GMDS: variants seen among roughly 807,000 people sequenced by gnomAD.
GMDS encodes GDP-mannose 4,6 dehydratase.
In GMDS, 20 loss-of-function variants were observed where a neutral mutation model predicts 49.9. That is an observed-to-expected ratio of 0.40 (90% confidence interval 0.28 to 0.58). The LOEUF (loss-of-function observed/expected upper bound fraction) is 0.58. Among genes scored for constraint, GMDS ranks in the 20% least tolerant of loss-of-function variants. The probability of loss-of-function intolerance (pLI) is 0.42; values close to 1 mark genes in which losing one functional copy is unlikely to be tolerated. For synonymous variants in GMDS, 177 were observed against 178.6 expected (o/e 0.99, Z 0.07); for missense variants, 362 against 481.4 (o/e 0.75, Z 2.32).
intron 7 of GMDS, among the ~76,000 whole-genome samples, chr6:1,847,878 G>A (rs1229014818): frequency 1.3e-5 from 2 of 152,118 alleles, no homozygotes; most frequent in Admixed American, 6.5e-5. Flanking sequence ...CTTGGTGAGG[G>A]TGTACTGTCT....
At chr6:1,657,061 CA>C (rs1003453042) in intron 9 of GMDS, among the ~76,000 whole-genome samples, 1 of 152,160 alleles carries the variant, frequency 6.6e-6, no homozygotes, top group African/African-American at 2.4e-5. Context: ...GTGGGGACAG[CA>C]AGAGGGTTTC....
At chr6:1,972,974 T>C (rs561098905) in intron 4 of GMDS, among the ~76,000 whole-genome samples, 1 of 152,354 alleles carries the variant, frequency 6.6e-6, no homozygotes, top group East Asian at 1.9e-4. Context: ...AAGGAGTCCA[T>C]GGCGTAAGAA....
chr6:2,085,175 T>C (rs1037712461), intron 4 of GMDS, among the ~76,000 whole-genome samples: 2 of 152,016 alleles, frequency 1.3e-5, no homozygotes, highest in South Asian at 4.1e-4. Context: ...AAAAAAAAAA[T>C]TATTTTTCTT....
chr6:2,043,872 AAAC>A (rs558975746), intron 4 of GMDS, among the ~76,000 whole-genome samples: 25 of 152,158 alleles, frequency 1.6e-4, no homozygotes, highest in South Asian at 1.0e-3. Flanking sequence ...GCAGAAAAAA[AAAC>A]AACAACAACC....
At chr6:1,941,944 C>T (rs368466669) in intron 6 of GMDS, among the ~76,000 whole-genome samples, 73 of 152,258 alleles carry the variant, frequency 4.8e-4, no homozygotes, top group Admixed American at 3.1e-3. Flanking sequence ...AACCCCGCCT[C>T]GCTCACCTCT....
chr6:1,737,945 T>TAC (rs774990730), intron 8 of GMDS, among the ~76,000 whole-genome samples: 6 of 109,310 alleles, frequency 5.5e-5, no homozygotes, highest in African/African-American at 2.2e-4. Flanking sequence ...CACACACACA[T>TAC]ACACAGATAC....
intron 1 of GMDS, among the ~76,000 whole-genome samples, chr6:2,179,102 G>A (rs1290499921): frequency 6.6e-6 from 1 of 152,188 alleles, no homozygotes; most frequent in Non-Finnish European, 1.5e-5. Flanking sequence ...AACCACCATA[G>A]TACATGCACA....
At chr6:2,071,682 T>C (rs1772009087) in intron 4 of GMDS, among the ~76,000 whole-genome samples, 1 of 142,782 alleles carries the variant, frequency 7.0e-6, no homozygotes, top group Non-Finnish European at 1.5e-5. Flanking sequence ...ATACTTCACA[T>C]TTAAAAAAAA....
At chr6:1,633,937 C>G (rs1361719972) in intron 9 of GMDS, among the ~76,000 whole-genome samples, 2 of 152,220 alleles carry the variant, frequency 1.3e-5, no homozygotes, top group Admixed American at 1.3e-4. Context: ...AGCTGGCTAC[C>G]TCAACCTGAT....
intron 7 of GMDS, among the ~76,000 whole-genome samples, chr6:1,822,800 C>G (rs990775306): frequency 6.6e-6 from 1 of 152,068 alleles, no homozygotes; most frequent in Admixed American, 6.5e-5. Context: ...AATGCCTCGC[C>G]TATATTTTAA....
intron 7 of GMDS, among the ~76,000 whole-genome samples, chr6:1,743,408 T>TG (rs1458172550): frequency 1.3e-5 from 2 of 150,176 alleles, no homozygotes; most frequent in African/African-American, 4.9e-5. Flanking sequence ...CCGGGCGTGG[T>TG]GGGGGGCGCC....
intron 9 of GMDS, among the ~76,000 whole-genome samples, chr6:1,726,161 A>T (rs887459664): frequency 1.3e-5 from 2 of 152,238 alleles, no homozygotes; most frequent in African/African-American, 4.8e-5. Flanking sequence ...GTGTGATGTG[A>T]GATTCCATTT....
rs143970412 is a variant in GMDS, at chr6:1,951,106, A to G, written c.643+8761T>C. Among the ~76,000 whole-genome samples the G allele has an allele frequency of 4.0e-3, 608 of 152,284 alleles. 3 individuals are homozygous for G. Among genetic ancestry groups the G allele is most frequent in the Middle Eastern group, 0.031 (9 of 294 alleles). The stretch of plus-strand genomic sequence containing the variant: ...TAGTTGAGAACCACTATTCTAGAGC[A>G]TTAATCTTATCTTTACAGCAACAAA... On this transcript the variant is annotated intron_variant, in intron 6 of 10. Coordinates refer to ENST00000380815, the MANE Select transcript of GMDS (RefSeq NM_001500.4).
At chr6:2,015,484 A>G (rs1767833531) in intron 4 of GMDS, among the ~76,000 whole-genome samples, 1 of 152,208 alleles carries the variant, frequency 6.6e-6, no homozygotes, top group East Asian at 1.9e-4. Context: ...CAATTTATCA[A>G]AATGTGTGGG....
At chr6:2,130,869 C>T (rs1424511473) in intron 1 of GMDS, among the ~76,000 whole-genome samples, 3 of 151,868 alleles carry the variant, frequency 2.0e-5, no homozygotes, top group African/African-American at 4.8e-5. Context: ...ATGGTACAGA[C>T]GTGTTTTTTC....
At chr6:2,028,991 C>A (rs1252265519) in intron 4 of GMDS, among the ~76,000 whole-genome samples, 3 of 145,770 alleles carry the variant, frequency 2.1e-5, no homozygotes, top group Non-Finnish European at 4.5e-5. Context: ...GATTTTTTTT[C>A]TTTCTTTCTT....
chr6:1,878,539 C>T (rs915809024), intron 7 of GMDS, among the ~76,000 whole-genome samples: 3 of 152,072 alleles, frequency 2.0e-5, no homozygotes, highest in African/African-American at 4.8e-5. Flanking sequence ...ACATTCATTC[C>T]GGTGGGGCAG....
chr6:2,068,821 C>T (rs1188421896), intron 4 of GMDS, among the ~76,000 whole-genome samples: 4 of 152,174 alleles, frequency 2.6e-5, no homozygotes, highest in African/African-American at 7.2e-5. Context: ...GAATCAATAT[C>T]GTGAAAATGG....
chr6:1,965,751 C>T (rs1394856849), intron 4 of GMDS, among the ~76,000 whole-genome samples: 1 of 152,084 alleles, frequency 6.6e-6, no homozygotes, highest in Non-Finnish European at 1.5e-5. Context: ...AAGGATTACT[C>T]GAACCCAGGA....
Sources: allele counts gnomAD v4.1 joint callset (sites outside exome capture counted in the v4.1 genomes callset), GRCh38; gene constraint gnomAD v4.1.1; transcripts MANE v1.5; gene names NCBI Gene and HGNC (gene_info 2026-07-23, HGNC 2026-07-21).